Variants in YME1L1 observed in about 807,000 individuals in gnomAD.
The protein encoded by YME1L1 is ATP-dependent zinc metalloprotease YME1L1.
In YME1L1, 39 loss-of-function variants were observed where a neutral mutation model predicts 90.4. The observed-to-expected ratio is 0.43, with a 90% CI of 0.33 to 0.56. The LOEUF is 0.56. YME1L1 is among the 20% of genes least tolerant of loss of function. The pLI, the probability that YME1L1 is intolerant of heterozygous loss-of-function variation, is 0.03. For synonymous variants in YME1L1, 284 were observed against 287.3 expected (o/e 0.99, Z 0.12); for missense variants, 617 against 868.4 (o/e 0.71, Z 3.64).
chr10:27,127,838 T>C (rs1356366103), intron 8 of YME1L1, among the ~76,000 whole-genome samples: 1 of 152,160 alleles, frequency 6.6e-6, no homozygotes, highest in Non-Finnish European at 1.5e-5. Context: ...TGTGAATTTG[T>C]TAAACTTCAA....
chr10:27,119,977 C>T (rs527752129), intron 13 of YME1L1, among the ~76,000 whole-genome samples: 1 of 152,090 alleles, frequency 6.6e-6, no homozygotes, highest in African/African-American at 2.4e-5. Context: ...TGAATTGATA[C>T]AGCTATCTCT....
At chr10:27,144,305 C>G (rs867318673) in intron 3 of YME1L1, among the ~76,000 whole-genome samples, 8 of 152,122 alleles carry the variant, frequency 5.3e-5, no homozygotes, top group Non-Finnish European at 1.2e-4. Flanking sequence ...AGTCTAAGCC[C>G]CCAAGCTCAA....
At chr10:27,152,947 A>C (rs1588622315) in intron 1 of YME1L1, among the ~76,000 whole-genome samples, 2 of 152,200 alleles carry the variant, frequency 1.3e-5, no homozygotes, top group African/African-American at 2.4e-5. Flanking sequence ...TTCCCAATAC[A>C]CTTAAAATGA....
intron 6 of YME1L1, 35 bp downstream of exon 6, chr10:27,134,796 T>G: frequency 6.2e-7 from 1 of 1,606,158 alleles, no homozygotes; most frequent in Non-Finnish European, 8.5e-7. Flanking sequence ...TTTCAGTTAC[T>G]CTTCTCAAAC....
rs549711028 is a variant in YME1L1, at chr10:27,111,731, G to A, written c.*246C>T. On this transcript the variant is annotated 3_prime_UTR_variant, in exon 19 of 19. Coordinates refer to ENST00000376016, the MANE Select transcript of YME1L1 (RefSeq NM_014263.4). ...TAACTAATTGACATTCCTCAAAAGAGCTGTTTTCAATCCTGATAGTTCTTT... is the reference window on the plus strand; with the variant it reads ...TAACTAATTGACATTCCTCAAAAGAACTGTTTTCAATCCTGATAGTTCTTT... 2.8e-5 allele frequency: 16 copies of A among 566,580 alleles called. No individual in the cohort carries two copies. The highest frequency in any genetic ancestry group is 2.8e-4 in the African/African-American group (15 of 53,456). The allele number at this position is 566,580 out of a possible 1,614,324, so 35.1% of individuals were successfully genotyped here.
rs1371640145 is a variant in YME1L1 at position 27,120,457 on chromosome 10, G to A, written c.1389C>T (p.Leu463=). ...TACATTGATCAAACTTTATTTTATT[G>A]AGATACCATTTCAAAATTTCTGTTC... ...KGRTEILKWY[L]NKIKFDQSVD... Residue 463 remains leucine (L), a synonymous_variant, in exon 13 of 19, where the codon CTC becomes CTT. Transcript: ENST00000376016. 14 of 1,612,776 alleles carry A rather than the reference G, an allele frequency of 8.7e-6. No individual in the cohort carries two copies. In the Admixed American group the frequency reaches 2.0e-4, roughly 23 times the overall value.
In YME1L1 at chr10:27,111,867, TTCAATTACACCA is replaced by T. The variant is rs1384765473; in HGVS notation, c.*98_*109del. On this transcript the variant is annotated 3_prime_UTR_variant, in exon 19 of 19. Coordinates refer to ENST00000376016, the MANE Select transcript of YME1L1 (RefSeq NM_014263.4). ...ATGATTGACAAAGCATTTCACACCC[TTCAATTACACCA>T]CATCAAGAATGAGGGGAAAGCGTTG... The T allele has an allele frequency of 1.4e-6, 2 of 1,395,610 alleles. No homozygotes were observed. The highest frequency in any genetic ancestry group is 3.3e-5 in the Admixed American group (2 of 59,730). The allele number at this position is 1,395,610 out of a possible 1,614,324, so 86.5% of individuals were successfully genotyped here. A position where few individuals can be genotyped will look rare whatever the true frequency, so the allele number is the denominator to read the frequency against.
intron 2 of YME1L1, among the ~76,000 whole-genome samples, chr10:27,148,058 A>C (rs974320671): frequency 6.6e-6 from 1 of 152,056 alleles, no homozygotes; most frequent in Non-Finnish European, 1.5e-5. Flanking sequence ...TCAGCCCTAG[A>C]AGTATGAGCT....
chr10:27,154,304 T>G lies in YME1L1; in HGVS notation c.-94A>C. The G allele has an allele frequency of 6.9e-7, 1 of 1,453,616 alleles. No homozygotes were observed. Among genetic ancestry groups the G allele is most frequent in the Non-Finnish European group, 9.3e-7 (1 of 1,074,548 alleles). 90.0% of individuals were successfully genotyped at this position (1,453,616 alleles called of 1,614,324 possible). A position where few individuals can be genotyped will look rare whatever the true frequency, so the allele number is the denominator to read the frequency against. ...GAGGCGCTGAGCCCTTCTTTTTTCC[T>G]TTTTCTCCGACCCGTTGCCCCTCAC... On this transcript the variant is annotated 5_prime_UTR_variant, in exon 1 of 19. Transcript: ENST00000376016.
At chr10:27,148,831 C>T in intron 2 of YME1L1, 75 bp downstream of exon 2, 1 of 1,576,836 alleles carries the variant, frequency 6.3e-7, no homozygotes, top group Non-Finnish European at 8.6e-7. Context: ...GGGACAATAT[C>T]CTTAATCCTT....
At chr10:27,149,091 G>A (rs567946325) in intron 1 of YME1L1, 51 bp from the exon 2 acceptor site, 97 of 1,461,212 alleles carry the variant, frequency 6.6e-5, no homozygotes, top group Middle Eastern at 3.6e-4. Context: ...TAAATAAACA[G>A]AACAATCTCC....
chr10:27,116,335 A>G lies in YME1L1; in HGVS notation c.1730T>C (p.Leu577Ser). 1 of 1,614,146 alleles carries G rather than the reference A, an allele frequency of 6.2e-7. No individual in the cohort carries two copies. The highest frequency in any genetic ancestry group is 2.2e-5 in the East Asian group (1 of 44,874). ...TTCATTCCATCTGTCATTCTCAGGT[A>G]ACAGGGACACCTAGACAATTAAAAA... The part of the protein sequence containing the change: ...RGPTLGHVSL[L>S]PENDRWNETR... Residue 577 changes from leucine to serine, a missense_variant, in exon 16 of 19, where the codon TTA (leucine) becomes TCA (serine). Around this residue, in one of 4 missense-constraint regions of YME1L1, gnomAD observed 212 missense variants for 330.0 expected, o/e 0.64. Coordinates refer to ENST00000376016, the MANE Select transcript of YME1L1 (RefSeq NM_014263.4).
At chr10:27,151,958 T>C (rs9731439) in intron 1 of YME1L1, among the ~76,000 whole-genome samples, 3,080 of 152,150 alleles carry the variant, frequency 0.02, 85 homozygotes, top group African/African-American at 0.071. Flanking sequence ...TGAAAGAATT[T>C]AGTCTAAGAT....
Position 27,116,063 on chromosome 10 carries a change from T to G in YME1L1, c.1917A>C (p.Glu639Asp). The G allele has an allele frequency of 6.2e-7, 1 of 1,612,670 alleles. No individual in the cohort carries two copies. Among genetic ancestry groups the G allele is most frequent in the Non-Finnish European group, 8.5e-7 (1 of 1,179,300 alleles). ...KRMVTKFGMS[E>D]KLGVMTYSDT... Reference sequence around the variant, plus strand: ...AAGGATTTAAAAAATCTATTACCTTTTCACTCATTCCAAATTTGGTAACCA... The same window carrying G: ...AAGGATTTAAAAAATCTATTACCTTGTCACTCATTCCAAATTTGGTAACCA... The change falls in exon 17 of 19, where the codon GAA (glutamate) becomes GAC (aspartate). Residue 639 changes from glutamate (E) to aspartate (D), a missense_variant. Coordinates refer to ENST00000376016, the MANE Select transcript of YME1L1 (RefSeq NM_014263.4).
chr10:27,133,354 G>A (rs1439194806), intron 7 of YME1L1, among the ~76,000 whole-genome samples: 3 of 152,152 alleles, frequency 2.0e-5, no homozygotes, highest in African/African-American at 7.2e-5. Flanking sequence ...CCAAACTAGA[G>A]CAGTTATAAA....
intron 1 of YME1L1, among the ~76,000 whole-genome samples, chr10:27,152,967 T>A (rs2057241992): frequency 6.6e-6 from 1 of 152,236 alleles, no homozygotes; most frequent in Non-Finnish European, 1.5e-5. Flanking sequence ...AAATCAGCCA[T>A]AATATATCCT....
chr10:27,146,306 T>C (rs2135899996), intron 2 of YME1L1: 1 of 152,300 alleles, frequency 6.6e-6, no homozygotes, highest in South Asian at 2.1e-4. Flanking sequence ...AAGTTACCCA[T>C]ATCTTCTAAT....
At chr10:27,117,303 C>T (rs1256046888) in intron 15 of YME1L1, among the ~76,000 whole-genome samples, 1 of 152,212 alleles carries the variant, frequency 6.6e-6, no homozygotes, top group Non-Finnish European at 1.5e-5. Context: ...CATGGTGGCT[C>T]ACGCCTGTAA....
Position 27,133,692 on chromosome 10 carries a change from A to C in YME1L1, c.775+347T>G, listed in dbSNP as rs559358757. Among the ~76,000 whole-genome samples, 22 of 152,334 alleles carry C rather than the reference A, an allele frequency of 1.4e-4. No homozygotes were observed. The South Asian group carries it at 3.9e-3, about 27-fold the overall frequency. ...TAATTTCAGATAAGCAAACTAAAAA[A>C]AAGGGAAACATTTAATGTGATTTTA... On this transcript the variant is annotated intron_variant, in intron 7 of 18. Coordinates refer to ENST00000376016, the MANE Select transcript of YME1L1 (RefSeq NM_014263.4).
Sources: gnomAD v4.1 joint callset for allele counts (sites outside exome capture counted in the v4.1 genomes callset) on GRCh38, gnomAD v4.1.1 for gene constraint, gnomAD v4.1.1 regional missense constraint, MANE v1.5 for transcripts, NCBI Gene and HGNC (gene_info 2026-07-23, HGNC 2026-07-21) for gene names.